The following PLCB2 variants were observed in gnomAD, a reference collection of about 807,000 sequenced individuals.
PLCB2 encodes 1-phosphatidylinositol 4,5-bisphosphate phosphodiesterase beta-2.
PLCB2 carries 115 observed loss-of-function variants against 141.7 expected under a neutral mutation model. The observed-to-expected ratio is 0.81, with a 90% CI of 0.70 to 0.95. PLCB2 has a LOEUF of 0.95. Ranked by LOEUF, PLCB2 falls within the 40% of genes least tolerant of loss-of-function variation. The probability of loss-of-function intolerance (pLI) is 0.00; values close to 1 mark genes in which losing one functional copy is unlikely to be tolerated. For missense variants in PLCB2, 1,403 were observed against 1,541.1 expected, an observed-to-expected ratio of 0.91 and a Z score of 1.50; for synonymous variants, 603 against 595.6, an observed-to-expected ratio of 1.01 and a Z score of -0.18.
intron 1 of PLCB2, among the ~76,000 whole-genome samples, chr15:40,305,176 T>TC (rs1491146055): frequency 8.3e-4 from 6 of 7,248 alleles, no homozygotes; most frequent in Non-Finnish European, 1.5e-3. Context: ...TTGTGATCTC[T>TC]TTTTTTTTTT....
intron 18 of PLCB2, among the ~76,000 whole-genome samples, 171 bp downstream of exon 18, chr15:40,294,765 G>A (rs1247031095): frequency 6.6e-6 from 1 of 152,186 alleles, no homozygotes; most frequent in East Asian, 1.9e-4. Flanking sequence ...GCAGGCACAT[G>A]GGCACAGGCT....
chr15:40,289,177 C>A, intron 31 of PLCB2, 95 bp downstream of exon 31: 1 of 1,176,100 alleles, frequency 8.5e-7, no homozygotes, highest in Admixed American at 1.8e-5. Context: ...GGCCCCCTTC[C>A]CCTACCCTCT....
At chr15:40,291,699 G>C in intron 24 of PLCB2, 49 bp from the exon 25 acceptor site, 1 of 1,607,766 alleles carries the variant, frequency 6.2e-7, no homozygotes, top group Non-Finnish European at 8.5e-7. Context: ...GGGCCCCTTG[G>C]CTCCGTTCGC....
At chr15:40,289,655 C>A in intron 30 of PLCB2, 1 of 518,678 alleles carries the variant, frequency 1.9e-6, no homozygotes. Context: ...TCCATTATTC[C>A]TTGGCACCTC....
chr15:40,307,513 C>T (rs972789224), intron 1 of PLCB2, 76 bp downstream of exon 1: 1 of 915,272 alleles, frequency 1.1e-6, no homozygotes, highest in Non-Finnish European at 1.7e-6. Context: ...CCAATCCTCC[C>T]ACCCAAGCAA....
rs755266178 is a variant in PLCB2, at chr15:40,297,898, G to A, written c.1217C>T (p.Ser406Leu). 4 of 1,613,550 alleles carry A rather than the reference G, an allele frequency of 2.5e-6. No homozygotes were observed. The highest frequency in any genetic ancestry group is 4.5e-5 in the East Asian group (2 of 44,880). Residue 406 changes from serine (S) to leucine (L), a missense_variant, in exon 12 of 32, where the codon TCG becomes TTG. Physicochemically the swap from Ser to Leu is moderately radical, Grantham distance 145 (BLOSUM62 -2). Coordinates refer to ENST00000260402, the MANE Select transcript of PLCB2 (RefSeq NM_004573.3). This position sits in a 1 kb window ranked among gnomAD's most constrained non-coding sequence, Gnocchi z 4.2. ...GCACGAGTCCACATGGTTCTCAAAC[G>A]ACAGGATGATGGGATAGGGGGAGGT... Reference protein sequence around the residue: ...FKTSPYPIILSFENHVDSPRQ... With the variant: ...FKTSPYPIILLFENHVDSPRQ...
At chr15:40,300,425 G>C (rs554736711) in intron 7 of PLCB2, among the ~76,000 whole-genome samples, 2 of 152,298 alleles carry the variant, frequency 1.3e-5, no homozygotes, top group Non-Finnish European at 2.9e-5. Context: ...TTCCACCCCT[G>C]GGTATATACC....
At chr15:40,287,162 G>T (rs2039624378), downstream of PLCB2, among the ~76,000 whole-genome samples, 1 of 152,168 alleles carries the variant, frequency 6.6e-6, no homozygotes, top group Admixed American at 6.5e-5. Context: ...TATCCAGTCT[G>T]TAATGATGTA....
intron 19 of PLCB2, 62 bp from the exon 20 acceptor site, chr15:40,293,786 C>T: frequency 6.4e-7 from 1 of 1,551,806 alleles, no homozygotes; most frequent in Non-Finnish European, 8.8e-7. Context: ...CCCCAAGCAT[C>T]TGGGGCCCCT....
In PLCB2 at chr15:40,302,516, C is replaced by A. The variant is rs751417510; in HGVS notation, c.325G>T (p.Asp109Tyr). ...GAGACGAAGTTGTGGAAGGTGAGGT[C>A]CACCATGTCCGGGCCGGACACCACC... ...LTVVSGPDMV[D>Y]LTFHNFVSYK... The change falls in exon 4 of 32, where the codon GAC becomes TAC. Residue 109 changes from aspartate (D) to tyrosine (Y), a missense_variant. This residue lies in a region of PLCB2 where 975 missense variants were observed against 1,141.1 expected (regional missense o/e 0.85). Transcript: ENST00000260402. 1.9e-6 allele frequency: 3 copies of A among 1,614,182 alleles called. No individual in the cohort carries two copies. Among genetic ancestry groups the A allele is most frequent in the Non-Finnish European group, 1.7e-6 (2 of 1,180,012 alleles).
rs1429972521 is a variant in PLCB2 at position 40,293,632 on chromosome 15, A to T, written c.2154T>A (p.Tyr718Ter). The T allele has an allele frequency of 6.2e-7, 1 of 1,614,088 alleles. No homozygotes were observed. The highest frequency in any genetic ancestry group is 1.1e-5 in the South Asian group (1 of 91,072). The change falls in exon 20 of 32, where the codon TAT (tyrosine) becomes TAA (stop). Residue 718 changes from tyrosine to a stop codon, truncating the protein, a stop_gained. Transcript: ENST00000260402. LOFTEE classifies it high-confidence loss of function. ...FGLPGDPKRR[Y>*]RTKLSPSTNS... ...TAGTACTGGGTGACAGCTTAGTTCG[A>T]TAGCGCCTCTTGGGGTCCCCAGGAA... is the stretch of plus-strand genomic sequence containing the variant.
chr15:40,293,257 G>A (rs2141069402), intron 20 of PLCB2, among the ~76,000 whole-genome samples: 1 of 152,354 alleles, frequency 6.6e-6, no homozygotes, highest in African/African-American at 2.4e-5. Context: ...CAAGGCTGAG[G>A]GGGCCTGGCA....
At chr15:40,302,054 C>T (rs199730460) in intron 6 of PLCB2, 22 bp from the exon 7 acceptor site, 1 of 1,614,046 alleles carries the variant, frequency 6.2e-7, no homozygotes, top group Non-Finnish European at 8.5e-7. Flanking sequence ...GAGAAAGGTA[C>T]CAGGTACAGA....
chr15:40,300,678 T>A (rs1029650759), intron 7 of PLCB2: 1 of 152,246 alleles, frequency 6.6e-6, no homozygotes. Flanking sequence ...ATATTTATGA[T>A]TTCATTTACT....
chr15:40,299,327 C>T (rs527448399), intron 7 of PLCB2, 99 bp from the exon 8 acceptor site: 22 of 763,368 alleles, frequency 2.9e-5, no homozygotes, highest in South Asian at 1.8e-4. Flanking sequence ...GGTCAGAAGG[C>T]GGGCTCAAGG....
downstream of PLCB2, among the ~76,000 whole-genome samples, chr15:40,287,638 G>C (rs988051621): frequency 6.6e-6 from 1 of 152,168 alleles, no homozygotes; most frequent in Admixed American, 6.5e-5. Flanking sequence ...CCAACCCCGA[G>C]AGTGGAGACA....
chr15:40,295,260 C>T lies in PLCB2; in HGVS notation c.1722G>A (p.Ser574=), dbSNP rs35388653. ...CATATGCCTTGAGCTCTGTGAAGGA[C>T]GAGATGACATAACTTCGGTTCTTTT... ...SAQKNRSYVI[S]SFTELKAYDL... The change falls in exon 17 of 32, where the codon TCG becomes TCA. Residue 574 remains serine (S), a synonymous_variant. Transcript: ENST00000260402. 1.3e-3 allele frequency: 2,049 copies of T among 1,613,564 alleles called. 27 individuals are homozygous for T. In the African/African-American group the frequency reaches 0.023, roughly 18 times the overall value.
In PLCB2 at chr15:40,291,904, A is replaced by G; in HGVS notation, c.2547T>C (p.Ser849=). 6.2e-7 allele frequency: 1 copy of G among 1,614,014 alleles called. No individual in the cohort carries two copies. The highest frequency in any genetic ancestry group is 8.5e-7 in the Non-Finnish European group (1 of 1,180,008). The change falls in exon 24 of 32, where the codon AGT becomes AGC. Residue 849 remains serine (S), a synonymous_variant. Coordinates refer to ENST00000260402, the MANE Select transcript of PLCB2 (RefSeq NM_004573.3). The part of the protein sequence containing the change: ...GLPEKPFPLA[S]PVASQVNGAL... ...CCCCATTGACCTGGCTGGCAACTGG[A>G]CTCGCCAGTGGGAAGGGCTTCTGTG...
At chr15:40,302,824 C>T (rs1168889205) in intron 3 of PLCB2, among the ~76,000 whole-genome samples, 7 of 152,216 alleles carry the variant, frequency 4.6e-5, no homozygotes, top group East Asian at 1.9e-4. Context: ...GCCAAGATGG[C>T]GGGCAGGCGG....
Sources: gnomAD v4.1 joint callset for allele counts (sites outside exome capture counted in the v4.1 genomes callset) on GRCh38, gnomAD v4.1.1 for gene constraint, gnomAD v4.1.1 regional missense constraint, Gnocchi (gnomAD v3.1) non-coding constraint, MANE v1.5 for transcripts, NCBI Gene and HGNC (gene_info 2026-07-23, HGNC 2026-07-21) for gene names.